The following ETS1 variants were observed in gnomAD, a reference collection of about 807,000 sequenced individuals.
ETS1 encodes ETS proto-oncogene 1, transcription factor, also known as protein C-ets-1.
ETS1 carries 15 observed loss-of-function variants against 58.6 expected under a neutral mutation model. That is an observed-to-expected ratio of 0.26 (90% CI 0.17 to 0.39). The LOEUF is 0.39. Ranked by LOEUF, ETS1 falls within the 10% of genes least tolerant of loss-of-function variation. The pLI is 1.00. For missense variants in ETS1, 417 were observed against 610.5 expected (o/e 0.68, Z 3.34); for synonymous variants, 214 against 218.2 (o/e 0.98, Z 0.17).
intron 3 of ETS1, among the ~76,000 whole-genome samples, chr11:128,518,256 CCTTAA>C (rs1034400722): frequency 6.6e-6 from 1 of 152,158 alleles, no homozygotes; most frequent in African/African-American, 2.4e-5. Context: ...AAAAGGTCCT[CCTTAA>C]CTTTACTCTT....
chr11:128,538,538 A>G (rs1033188584), intron 3 of ETS1, among the ~76,000 whole-genome samples: 1 of 152,218 alleles, frequency 6.6e-6, no homozygotes, highest in East Asian at 1.9e-4. Flanking sequence ...TGTCACTCAC[A>G]AAGAGTGTAA....
intron 7 of ETS1, among the ~76,000 whole-genome samples, chr11:128,482,873 G>T (rs887143297): frequency 6.6e-6 from 1 of 152,174 alleles, no homozygotes; most frequent in Non-Finnish European, 1.5e-5. Context: ...AGAAGATGCG[G>T]CAGCACCCAG....
chr11:128,497,362 C>A (rs912973457), intron 3 of ETS1, among the ~76,000 whole-genome samples: 2 of 152,208 alleles, frequency 1.3e-5, no homozygotes, highest in African/African-American at 2.4e-5. Flanking sequence ...TGGTCTCCTG[C>A]AAGGCAGCTC....
intron 6 of ETS1, 70 bp downstream of exon 6, chr11:128,485,998 GA>G (rs1385539006): frequency 1.2e-6 from 1 of 863,608 alleles, no homozygotes; most frequent in Admixed American, 1.8e-5. Context: ...AGGAGCCTGA[GA>G]TTCACTGAGA....
intron 1 of ETS1, among the ~76,000 whole-genome samples, chr11:128,586,967 C>G (rs534995466): frequency 1.3e-5 from 2 of 151,976 alleles, no homozygotes; most frequent in Non-Finnish European, 2.9e-5. Flanking sequence ...GCAGGTCAGT[C>G]CCAAGACAGA....
At chr11:128,473,727 G>T (rs2135427850) in intron 8 of ETS1, among the ~76,000 whole-genome samples, 1 of 152,324 alleles carries the variant, frequency 6.6e-6, no homozygotes, top group South Asian at 2.1e-4. Context: ...GACAGGAAGG[G>T]CAGCGCTTCT....
intron 7 of ETS1, among the ~76,000 whole-genome samples, chr11:128,481,111 T>A (rs1479094436): frequency 1.3e-5 from 2 of 152,110 alleles, no homozygotes; most frequent in South Asian, 2.1e-4. Context: ...AGAGATTTTT[T>A]AAAATCACAC....
intron 8 of ETS1, among the ~76,000 whole-genome samples, chr11:128,470,308 C>T (rs1284455940): frequency 1.3e-5 from 2 of 152,102 alleles, no homozygotes; most frequent in Admixed American, 6.5e-5. Context: ...TGACGGCATC[C>T]TATAAAATTA....
chr11:128,531,493 C>T (rs1440876484), intron 3 of ETS1, among the ~76,000 whole-genome samples: 9 of 152,172 alleles, frequency 5.9e-5, no homozygotes, highest in Non-Finnish European at 1.2e-4. Flanking sequence ...GAAATGAGGA[C>T]ACAGTGTCCT....
intron 3 of ETS1, among the ~76,000 whole-genome samples, chr11:128,525,330 T>C (rs1414059994): frequency 2.0e-5 from 3 of 152,118 alleles, no homozygotes. Context: ...ATACTTTCTT[T>C]TTTATTTATA....
chr11:128,482,867 G>A (rs1365963586), intron 7 of ETS1, among the ~76,000 whole-genome samples: 1 of 152,172 alleles, frequency 6.6e-6, no homozygotes. Context: ...CAAAACAGAA[G>A]ATGCGGCAGC....
chr11:128,558,428 T>C (rs1402790238), intron 2 of ETS1, among the ~76,000 whole-genome samples: 1 of 152,134 alleles, frequency 6.6e-6, no homozygotes, highest in African/African-American at 2.4e-5. Context: ...GTGAATCACC[T>C]GAGGTCAGGA....
intron 3 of ETS1, among the ~76,000 whole-genome samples, chr11:128,548,786 G>C (rs1321197361): frequency 6.6e-6 from 1 of 152,228 alleles, no homozygotes; most frequent in Non-Finnish European, 1.5e-5. Flanking sequence ...CTGCGCCCGC[G>C]TTGCTGGCAG....
At chr11:128,580,092 C>T (rs1401569675) in intron 1 of ETS1, among the ~76,000 whole-genome samples, 4 of 148,450 alleles carry the variant, frequency 2.7e-5, no homozygotes, top group Admixed American at 6.8e-5. Flanking sequence ...AGGGAAAGTA[C>T]CTAAAGTACT....
At chr11:128,479,856 CCT>C (rs1862433224) in intron 8 of ETS1, among the ~76,000 whole-genome samples, 1 of 151,880 alleles carries the variant, frequency 6.6e-6, no homozygotes, top group African/African-American at 2.4e-5. Flanking sequence ...GGAAAAATCC[CCT>C]GATGCCAGGC....
chr11:128,547,523 C>G (rs549301045), intron 3 of ETS1, among the ~76,000 whole-genome samples: 127 of 152,280 alleles, frequency 8.3e-4, no homozygotes, highest in Non-Finnish European at 1.5e-3. Flanking sequence ...GCAACTGGAA[C>G]TCTGTAGCTA....
At chr11:128,492,212 C>T (rs1444161326) in intron 3 of ETS1, among the ~76,000 whole-genome samples, 1 of 152,190 alleles carries the variant, frequency 6.6e-6, no homozygotes, top group African/African-American at 2.4e-5. Flanking sequence ...CATTTCTAAA[C>T]TTTGCTTCGT....
chr11:128,474,102 ACT>A (rs889805658), intron 8 of ETS1, among the ~76,000 whole-genome samples: 24 of 152,116 alleles, frequency 1.6e-4, no homozygotes, highest in Admixed American at 1.4e-3. Context: ...AGACTCAGAG[ACT>A]CTTCCTCTAA....
chr11:128,498,555 C>G (rs1221362155), intron 3 of ETS1, among the ~76,000 whole-genome samples: 1 of 152,178 alleles, frequency 6.6e-6, no homozygotes. Flanking sequence ...ACCTAAGATG[C>G]CTTTTGGTTG....
Sources: gnomAD v4.1 joint callset for allele counts (sites outside exome capture counted in the v4.1 genomes callset) on GRCh38, gnomAD v4.1.1 for gene constraint, MANE v1.5 for transcripts, NCBI Gene and HGNC (gene_info 2026-07-23, HGNC 2026-07-21) for gene names.